SLC25A21: variants seen among roughly 807,000 people sequenced by gnomAD.
The protein encoded by SLC25A21 is mitochondrial 2-oxodicarboxylate carrier.
A neutral mutation model predicts 43.8 loss-of-function variants in SLC25A21; 47 were observed. That is an observed-to-expected ratio of 1.07 (90% CI 0.85 to 1.37). The LOEUF (loss-of-function observed/expected upper bound fraction) is 1.37, where lower values mean the gene tolerates loss of function less well. SLC25A21 is among the 40% of genes most tolerant of loss of function. The pLI is 0.00. For missense variants in SLC25A21, 352 were observed against 350.2 expected (o/e 1.00, Z -0.04); for synonymous variants, 131 against 121.3 (o/e 1.08, Z -0.52).
intron 1 of SLC25A21, among the ~76,000 whole-genome samples, chr14:36,976,622 CTT>C (rs1959878688): frequency 6.6e-6 from 1 of 152,156 alleles, no homozygotes; most frequent in African/African-American, 2.4e-5. Flanking sequence ...TCTCACCTCT[CTT>C]AGTACCAGGA....
chr14:36,943,591 T>C (rs1480660007), intron 1 of SLC25A21, among the ~76,000 whole-genome samples: 1 of 152,218 alleles, frequency 6.6e-6, no homozygotes, highest in African/African-American at 2.4e-5. Context: ...GGGCTGCTTC[T>C]GTCCCTCTGA....
Position 37,067,207 on chromosome 14 carries a change from C to G in SLC25A21, c.70+105074G>C, listed in dbSNP as rs539029887. ...ATATAACAATCGCAAATTTATGAAT[C>G]CCAGTGAATTTTGAATAGGCAAATA... is the stretch of plus-strand genomic sequence containing the variant. On this transcript the variant is annotated intron_variant, in intron 1 of 9. Transcript: ENST00000331299. 3.9e-5 allele frequency among the ~76,000 whole-genome samples: 6 copies of G among 152,116 alleles called. No individual in the cohort carries two copies. The South Asian group carries it at 1.2e-3, about 32-fold the overall frequency.
chr14:36,846,037 G>A (rs1359165625), intron 2 of SLC25A21, among the ~76,000 whole-genome samples: 1 of 152,146 alleles, frequency 6.6e-6, no homozygotes, highest in Non-Finnish European at 1.5e-5. Context: ...CTAAAACATG[G>A]TGATTAGGAT....
intron 7 of SLC25A21, among the ~76,000 whole-genome samples, chr14:36,685,318 C>T (rs1486362728): frequency 1.3e-5 from 2 of 152,188 alleles, no homozygotes; most frequent in Non-Finnish European, 2.9e-5. Flanking sequence ...CAGCAACTTC[C>T]ACCATGAAGC....
chr14:37,005,878 T>G (rs1960592235), intron 1 of SLC25A21, among the ~76,000 whole-genome samples: 1 of 152,202 alleles, frequency 6.6e-6, no homozygotes, highest in African/African-American at 2.4e-5. Context: ...TCTTTTCTCT[T>G]CATAAAAAAT....
intron 1 of SLC25A21, among the ~76,000 whole-genome samples, chr14:37,030,095 C>T (rs947280183): frequency 4.6e-5 from 7 of 151,920 alleles, no homozygotes; most frequent in African/African-American, 1.7e-4. Flanking sequence ...GAAGCCTTAC[C>T]AATAACATGA....
intron 1 of SLC25A21, among the ~76,000 whole-genome samples, chr14:37,139,432 A>G (rs1254688321): frequency 1.3e-5 from 2 of 152,168 alleles, no homozygotes; most frequent in Non-Finnish European, 2.9e-5. Context: ...TATTTGCTGC[A>G]TAACAATGCT....
intron 1 of SLC25A21, among the ~76,000 whole-genome samples, chr14:36,979,613 C>G (rs1959971973): frequency 1.3e-5 from 2 of 152,192 alleles, no homozygotes; most frequent in African/African-American, 4.8e-5. Context: ...ATCTTGACCT[C>G]TCAAAGTGCA....
At chr14:36,908,747 G>C (rs1192655423) in intron 1 of SLC25A21, among the ~76,000 whole-genome samples, 1 of 152,186 alleles carries the variant, frequency 6.6e-6, no homozygotes, top group East Asian at 1.9e-4. Flanking sequence ...AGAGTGATAT[G>C]GTGGTTGTCA....
intron 1 of SLC25A21, among the ~76,000 whole-genome samples, chr14:36,970,434 A>C (rs1959724005): frequency 6.6e-6 from 1 of 152,190 alleles, no homozygotes; most frequent in Non-Finnish European, 1.5e-5. Context: ...CTTTAGGCCA[A>C]CTTCAAAGTA....
intron 2 of SLC25A21, among the ~76,000 whole-genome samples, chr14:36,874,755 T>C (rs923406910): frequency 1.2e-4 from 19 of 152,342 alleles, no homozygotes; most frequent in African/African-American, 4.6e-4. Context: ...AAATATTACA[T>C]ACTTCAGATG....
intron 1 of SLC25A21, among the ~76,000 whole-genome samples, chr14:36,930,060 T>TCC (rs988364576): frequency 3.3e-4 from 51 of 152,280 alleles, no homozygotes; most frequent in Middle Eastern, 3.4e-3. Context: ...GAAAGAGCTG[T>TCC]CCAGCCAGTC....
At chr14:36,950,970 G>C (rs1476267914) in intron 1 of SLC25A21, among the ~76,000 whole-genome samples, 3 of 152,090 alleles carry the variant, frequency 2.0e-5, no homozygotes, top group African/African-American at 4.8e-5. Flanking sequence ...CTCTCCAGGA[G>C]CTCAAGGCTC....
intron 1 of SLC25A21, among the ~76,000 whole-genome samples, chr14:37,018,880 A>T (rs1566819111): frequency 6.6e-6 from 1 of 151,964 alleles, no homozygotes; most frequent in Non-Finnish European, 1.5e-5. Flanking sequence ...GCCAAATATT[A>T]TTATTTTCTT....
At chr14:36,852,716 G>C (rs1889780317) in intron 2 of SLC25A21, among the ~76,000 whole-genome samples, 1 of 151,948 alleles carries the variant, frequency 6.6e-6, no homozygotes, top group Admixed American at 6.6e-5. Flanking sequence ...GGTATTCTTT[G>C]GAGTCTACCA....
At chr14:36,756,038 G>T (rs1885915401) in intron 3 of SLC25A21, among the ~76,000 whole-genome samples, 1 of 152,194 alleles carries the variant, frequency 6.6e-6, no homozygotes, top group Admixed American at 6.5e-5. Flanking sequence ...ACACTGAAAA[G>T]CTTGATAGAA....
intron 1 of SLC25A21, among the ~76,000 whole-genome samples, chr14:37,025,945 G>C (rs1001190742): frequency 6.6e-6 from 1 of 152,078 alleles, no homozygotes; most frequent in African/African-American, 2.4e-5. Flanking sequence ...ATAGCAAACG[G>C]AAAAAGCCCT....
At chr14:36,857,805 G>A (rs560058094) in intron 2 of SLC25A21, among the ~76,000 whole-genome samples, 81 of 152,346 alleles carry the variant, frequency 5.3e-4, no homozygotes, top group African/African-American at 1.9e-3. Flanking sequence ...CCGCAGGCCT[G>A]AAGATGGGCG....
intron 3 of SLC25A21, among the ~76,000 whole-genome samples, chr14:36,736,571 G>C (rs1885049262): frequency 6.6e-6 from 1 of 151,926 alleles, no homozygotes; most frequent in Non-Finnish European, 1.5e-5. Context: ...TATTAGTTCT[G>C]TTCTTTCTGT....
Sources: allele counts gnomAD v4.1 joint callset (sites outside exome capture counted in the v4.1 genomes callset), GRCh38; gene constraint gnomAD v4.1.1; transcripts MANE v1.5; gene names NCBI Gene and HGNC (gene_info 2026-07-23, HGNC 2026-07-21).